Variants in NEK5 observed in about 807,000 individuals in gnomAD.
NEK5 encodes the protein NIMA related kinase 5, also known as serine/threonine-protein kinase Nek5.
In NEK5, 88 loss-of-function variants were observed where a neutral mutation model predicts 109.2. The observed-to-expected ratio is 0.81, with a 90% CI of 0.68 to 0.96. NEK5 has a LOEUF of 0.96. Ranked by LOEUF, NEK5 falls within the 40% of genes least tolerant of loss-of-function variation. The pLI is 0.00. For missense variants in NEK5, 834 were observed against 920.7 expected, an observed-to-expected ratio of 0.91 and a Z score of 1.22; for synonymous variants, 283 against 299.9, an observed-to-expected ratio of 0.94 and a Z score of 0.58.
rs1248088276 is a variant in NEK5, at chr13:52,065,614, G to A, written c.1850-5C>T. Reference sequence around the variant, plus strand: ...CTACAGTCTGCGTGGAAAACCCTGGGTGTAAGAAAACAACTCATTAATTCG... The same window carrying A: ...CTACAGTCTGCGTGGAAAACCCTGGATGTAAGAAAACAACTCATTAATTCG... On this transcript the variant is annotated splice_polypyrimidine_tract_variant and splice_region_variant and intron_variant, in intron 20 of 23. Coordinates refer to ENST00000684899, the MANE Select transcript of NEK5 (RefSeq NM_001365552.1). 1.2e-6 allele frequency: 2 copies of A among 1,608,042 alleles called. No individual in the cohort carries two copies. The highest frequency in any genetic ancestry group is 1.7e-5 in the Admixed American group (1 of 59,992).
chr13:52,037,023 A>C lies in NEK5; in HGVS notation c.2424T>G (p.Thr808=). 1 of 985,102 alleles carries C rather than the reference A, an allele frequency of 1.0e-6. No homozygotes were observed. Among genetic ancestry groups the C allele is most frequent in the Non-Finnish European group, 1.2e-6 (1 of 829,614 alleles). 61.0% of individuals were successfully genotyped at this position (985,102 alleles called of 1,614,324 possible). ...ELREGLENIS[T]TSNDHICITD... ...TAATACAAATGTGGTCATTAGATGT[A>C]GTAGAAATATTCTCCAAGCCCTCCC... Residue 808 remains threonine (T), a synonymous_variant, in exon 24 of 24, where the codon ACT becomes ACG. Coordinates refer to ENST00000684899, the MANE Select transcript of NEK5 (RefSeq NM_001365552.1).
In NEK5 at chr13:52,033,699, AT is replaced by A. The variant is rs1159313682; in HGVS notation, c.*3248del. 1 of 155,264 alleles carries A rather than the reference AT, an allele frequency of 6.4e-6. No individual in the cohort carries two copies. The highest frequency in any genetic ancestry group is 1.5e-5 in the Non-Finnish European group (1 of 68,046). 9.6% of individuals were successfully genotyped at this position (155,264 alleles called of 1,614,324 possible). On this transcript the variant is annotated 3_prime_UTR_variant, in exon 24 of 24. Transcript: ENST00000684899. Reference sequence around the variant, plus strand: ...ACTTGATTTAAATAATTCTTGAGGGATTTTATAAGGTCATCTTATAGACAAA... The same window carrying A: ...ACTTGATTTAAATAATTCTTGAGGGATTTATAAGGTCATCTTATAGACAAA...
chr13:52,099,943 T>G, intron 11 of NEK5, 67 bp from the exon 12 acceptor site: 1 of 1,226,222 alleles, frequency 8.2e-7, no homozygotes, highest in Non-Finnish European at 1.2e-6. Context: ...CTGATACTTG[T>G]AAGAGTATAA....
intron 3 of NEK5, among the ~76,000 whole-genome samples, chr13:52,119,777 G>A (rs996931608): frequency 2.0e-5 from 3 of 152,112 alleles, no homozygotes; most frequent in African/African-American, 7.2e-5. Context: ...AGCAATCACT[G>A]CTGAGAAGAA....
Position 52,087,344 on chromosome 13 carries a change from CTTCAT to C in NEK5, c.1381_1385del (p.Met461GlyfsTer18), listed in dbSNP as rs1294662754. 1 of 1,518,532 alleles carries C rather than the reference CTTCAT, an allele frequency of 6.6e-7. No individual in the cohort carries two copies. Among genetic ancestry groups the C allele is most frequent in the African/African-American group, 1.4e-5 (1 of 73,252 alleles). The allele number at this position is 1,518,532 out of a possible 1,614,324, so 94.1% of individuals were successfully genotyped here. On this transcript the variant is annotated frameshift_variant, in exon 15 of 24. Coordinates refer to ENST00000684899, the MANE Select transcript of NEK5 (RefSeq NM_001365552.1). LOFTEE classifies it high-confidence loss of function. ...GAATTAAACAGTTTTTAACCTGTTC[CTTCAT>C]TTCGTTTTTCCTAAATGGCAGCTCC...
intron 3 of NEK5, among the ~76,000 whole-genome samples, chr13:52,124,350 T>C (rs1348182243): frequency 6.6e-6 from 1 of 152,246 alleles, no homozygotes; most frequent in African/African-American, 2.4e-5. Flanking sequence ...TCTTTCTTTG[T>C]ACATATATGA....
At chr13:52,112,155 T>A (rs1955770842) in intron 5 of NEK5, 113 bp downstream of exon 5, 1 of 512,338 alleles carries the variant, frequency 2.0e-6, no homozygotes, top group Admixed American at 3.4e-5. Flanking sequence ...TTTCAATCTG[T>A]CTACCAAAAC....
intron 10 of NEK5, 22 bp from the exon 11 acceptor site, chr13:52,102,036 A>C (rs1277263009): frequency 6.2e-7 from 1 of 1,612,928 alleles, no homozygotes; most frequent in African/African-American, 1.3e-5. Flanking sequence ...CACACGTGTC[A>C]AGGACCTGCA....
In NEK5 at chr13:52,075,766, C is replaced by T; in HGVS notation, c.1714G>A (p.Glu572Lys). The T allele has an allele frequency of 1.3e-6, 2 of 1,569,694 alleles. No individual in the cohort carries two copies. Among genetic ancestry groups the T allele is most frequent in the Non-Finnish European group, 1.7e-6 (2 of 1,155,000 alleles). ...KCISDENILQ[E>K]EEAMDIPNET... ...TAGACTTAATGGCATACCTCTTCCTCTTGGAGGATGTTTTCATCAGAAATA... is the reference window on the plus strand; with the variant it reads ...TAGACTTAATGGCATACCTCTTCCTTTTGGAGGATGTTTTCATCAGAAATA... The change falls in exon 19 of 24, where the codon GAG becomes AAG. Residue 572 changes from glutamate to lysine, a missense_variant. Coordinates refer to ENST00000684899, the MANE Select transcript of NEK5 (RefSeq NM_001365552.1).
At chr13:52,110,458 A>G in intron 6 of NEK5, 36 bp downstream of exon 6, 1 of 1,596,992 alleles carries the variant, frequency 6.3e-7, no homozygotes, top group Non-Finnish European at 8.6e-7. Context: ...TCAAGAAAAG[A>G]TCAGTTCTGT....
rs138466870 is a variant in NEK5 at position 52,089,530 on chromosome 13, C to G, written c.1209-217G>C. The stretch of plus-strand genomic sequence containing the variant: ...GGATGAAGAGTAACAAGTGGGGATA[C>G]AGGAGAGGATTAAACAGAAAAATAT... On this transcript the variant is annotated intron_variant, in intron 13 of 23. Transcript: ENST00000684899. 4.9e-3 allele frequency among the ~76,000 whole-genome samples: 740 copies of G among 152,268 alleles called. 5 individuals carry two copies. The highest frequency in any genetic ancestry group is 0.017 in the African/African-American group (704 of 41,542).
In NEK5 at chr13:52,102,169, G is replaced by T. The variant is rs771993979; in HGVS notation, c.733C>A (p.Arg245=). 1.2e-6 allele frequency: 2 copies of T among 1,613,626 alleles called. No homozygotes were observed. Among genetic ancestry groups the T allele is most frequent in the Non-Finnish European group, 1.7e-6 (2 of 1,179,722 alleles). The change falls in exon 10 of 24, where the codon CGA becomes AGA. Residue 245 remains arginine (R), a synonymous_variant. Transcript: ENST00000684899. ...ATGGAATTTATGGATGGTCGGTCTC[G>T]AGGAGATACTTGAAAGAGCTGAGAT... ...LISQLFQVSP[R]DRPSINSILK...
In NEK5 at chr13:52,084,460, C is replaced by A. The variant is rs529214010; in HGVS notation, c.1480-1108G>T. ...TCTCAAACTCCTGGGCTCAAGCGAT[C>A]CTTCTGCCTTGGCCTCCCAAAATGC... On this transcript the variant is annotated intron_variant, in intron 16 of 23. Coordinates refer to ENST00000684899, the MANE Select transcript of NEK5 (RefSeq NM_001365552.1). Among the ~76,000 whole-genome samples the A allele has an allele frequency of 2.6e-5, 4 of 152,198 alleles. No homozygotes were observed. The South Asian group carries it at 8.3e-4, about 32-fold the overall frequency.
At chr13:52,123,689 G>A (rs553257722) in intron 3 of NEK5, among the ~76,000 whole-genome samples, 4 of 152,264 alleles carry the variant, frequency 2.6e-5, no homozygotes, top group East Asian at 1.9e-4. Flanking sequence ...AAATAAGGAG[G>A]AGAAGGCACA....
intron 18 of NEK5, 64 bp downstream of exon 18, chr13:52,075,999 G>T: frequency 9.2e-7 from 1 of 1,081,740 alleles, no homozygotes; most frequent in Non-Finnish European, 1.4e-6. Flanking sequence ...AGGCAACCGA[G>T]ATCACAAGGT....
chr13:52,100,095 TA>T lies in NEK5; in HGVS notation c.893-220del, dbSNP rs1477432923. 3.3e-5 allele frequency among the ~76,000 whole-genome samples: 5 copies of T among 152,352 alleles called. No homozygotes were observed. In the East Asian group the frequency reaches 9.6e-4, roughly 29 times the overall value. On this transcript the variant is annotated intron_variant, in intron 11 of 23. Coordinates refer to ENST00000684899, the MANE Select transcript of NEK5 (RefSeq NM_001365552.1). Reference sequence around the variant, plus strand: ...TTTTCAGAGTCCCTTTGCATATTTCTAGTAATATATAACATCACTTTTTTTC... The same window carrying T: ...TTTTCAGAGTCCCTTTGCATATTTCTGTAATATATAACATCACTTTTTTTC...
rs1238379537 is a variant in NEK5 at position 52,084,758 on chromosome 13, A to AGTGTGT, written c.1480-1407_1480-1406insACACAC. On this transcript the variant is annotated intron_variant, in intron 16 of 23. Coordinates refer to ENST00000684899, the MANE Select transcript of NEK5 (RefSeq NM_001365552.1). ...GTGAGAGAGAGAGAGAGAGAGAGAG[A>AGTGTGT]GAGAGTGTGTGTGTGTGTGTGTGTG... Among the ~76,000 whole-genome samples the AGTGTGT allele has an allele frequency of 4.2e-4, 19 of 45,178 alleles. No individual in the cohort carries two copies. In the East Asian group the frequency reaches 6.2e-3, roughly 15 times the overall value. The allele number at this position is 45,178 out of a possible 152,430, so 29.6% of individuals were successfully genotyped here. A position where few individuals can be genotyped will look rare whatever the true frequency, so the allele number is the denominator to read the frequency against.
In NEK5 at chr13:52,048,090, G is replaced by A. The variant is rs77665953; in HGVS notation, c.2228+2014C>T. Among the ~76,000 whole-genome samples the A allele has an allele frequency of 3.3e-5, 5 of 152,238 alleles. No individual in the cohort carries two copies. The East Asian group carries it at 9.7e-4, about 29-fold the overall frequency. Reference sequence around the variant, plus strand: ...TCTATACCACTGTAGGATGACTATAGTTAATAGTAATATGGTATATAGTTT... The same window carrying A: ...TCTATACCACTGTAGGATGACTATAATTAATAGTAATATGGTATATAGTTT... On this transcript the variant is annotated intron_variant, in intron 23 of 23. Transcript: ENST00000684899.
At chr13:52,062,400 G>A (rs985507521) in intron 21 of NEK5, among the ~76,000 whole-genome samples, 3 of 151,842 alleles carry the variant, frequency 2.0e-5, no homozygotes, top group African/African-American at 4.8e-5. Flanking sequence ...GTTGGAGGCT[G>A]CTATGGCCCT....
Sources: allele counts gnomAD v4.1 joint callset (sites outside exome capture counted in the v4.1 genomes callset), GRCh38; gene constraint gnomAD v4.1.1; transcripts MANE v1.5; gene names NCBI Gene and HGNC (gene_info 2026-07-23, HGNC 2026-07-21).